Variants in ENOX1 observed in about 807,000 individuals in gnomAD.
ENOX1 encodes candidate growth-related and time keeping constitutive hydroquinone (NADH) oxidase.
Under a neutral mutation model 82.5 loss-of-function variants are expected in ENOX1, and 42 were observed. The ratio of observed to expected loss-of-function variants is 0.51; its 90% confidence interval spans 0.40 to 0.66. The LOEUF is 0.66. Among genes scored for constraint, ENOX1 ranks in the 30% least tolerant of loss-of-function variants. The probability of loss-of-function intolerance (pLI) is 0.00; values close to 1 mark genes in which losing one functional copy is unlikely to be tolerated. For missense variants in ENOX1, 608 were observed against 811.6 expected (o/e 0.75, Z 3.05); for synonymous variants, 271 against 282.2 (o/e 0.96, Z 0.40).
chr13:43,498,851 G>A (rs1451702396), intron 2 of ENOX1, among the ~76,000 whole-genome samples: 1 of 152,050 alleles, frequency 6.6e-6, no homozygotes, highest in African/African-American at 2.4e-5. Context: ...TCCATCAGGA[G>A]ATGGAACTTA....
intron 1 of ENOX1, among the ~76,000 whole-genome samples, chr13:43,696,755 T>C (rs2086659279): frequency 6.6e-6 from 1 of 150,902 alleles, no homozygotes; most frequent in Non-Finnish European, 1.5e-5. Flanking sequence ...ATTCAAGACG[T>C]ACGTAAATAA....
At chr13:43,725,583 A>G (rs1452157528) in intron 1 of ENOX1, among the ~76,000 whole-genome samples, 1 of 152,142 alleles carries the variant, frequency 6.6e-6, no homozygotes, top group Non-Finnish European at 1.5e-5. Context: ...AACTGCCACA[A>G]GTATGAAATT....
chr13:43,664,563 A>G (rs2084887555), intron 2 of ENOX1, among the ~76,000 whole-genome samples: 1 of 152,222 alleles, frequency 6.6e-6, no homozygotes, highest in Admixed American at 6.5e-5. Flanking sequence ...CTGGCCCACC[A>G]TCACTCTGTT....
chr13:43,577,738 C>G (rs2080509528), intron 2 of ENOX1, among the ~76,000 whole-genome samples: 1 of 152,162 alleles, frequency 6.6e-6, no homozygotes, highest in East Asian at 1.9e-4. Context: ...TCCTCCAGAC[C>G]ACAGCATTAA....
chr13:43,228,537 T>C (rs958576883), intron 15 of ENOX1, among the ~76,000 whole-genome samples: 4 of 152,212 alleles, frequency 2.6e-5, no homozygotes, highest in African/African-American at 9.6e-5. Context: ...CCAAACCTCG[T>C]TAGGAAGGTC....
At position 43,414,079 on chromosome 13, in the gene ENOX1, C is replaced by T. The variant is rs1487041579; in HGVS notation, c.-74-1091G>A. On this transcript the variant is annotated intron_variant, in intron 3 of 16. Transcript: ENST00000690772. ...TTGACAGTGTATCTAATGTGAAGTT[C>T]GAACCTTTTATGGCATGTCTTTTTG... 2.6e-5 allele frequency among the ~76,000 whole-genome samples: 4 copies of T among 152,022 alleles called. No homozygotes were observed. In the East Asian group the frequency reaches 5.8e-4, roughly 22 times the overall value.
At chr13:43,607,531 A>C (rs1336704858) in intron 2 of ENOX1, among the ~76,000 whole-genome samples, 3 of 152,090 alleles carry the variant, frequency 2.0e-5, no homozygotes, top group Non-Finnish European at 4.4e-5. Flanking sequence ...CATATAGAAA[A>C]CCCTGGCTTG....
rs148835429 is a variant in ENOX1, at chr13:43,408,759, A to G, written c.208+3157T>C. Among the ~76,000 whole-genome samples the G allele has an allele frequency of 1.8e-3, 278 of 152,348 alleles. 2 individuals are homozygous for G. The highest frequency in any genetic ancestry group is 6.5e-3 in the African/African-American group (269 of 41,584). Reference sequence around the variant, plus strand: ...AATAGATAAATCAGTAGTAAAGAATAGATATTTCAGAAATAGACAAAAATA... The same window carrying G: ...AATAGATAAATCAGTAGTAAAGAATGGATATTTCAGAAATAGACAAAAATA... On this transcript the variant is annotated intron_variant, in intron 5 of 16. Transcript: ENST00000690772.
intron 11 of ENOX1, among the ~76,000 whole-genome samples, chr13:43,309,450 C>A (rs1298096810): frequency 6.6e-6 from 1 of 152,146 alleles, no homozygotes; most frequent in Non-Finnish European, 1.5e-5. Flanking sequence ...GCCTCTCTTC[C>A]AAAGAGAGTA....
Position 43,772,278 on chromosome 13 carries a change from A to G in ENOX1, c.-285+14374T>C, listed in dbSNP as rs56026806. ...AAAGTCACGGTACTCAAAGAAGATA[A>G]TCTAAAATAAACACCAAGTATCAAA... is the stretch of plus-strand genomic sequence containing the variant. On this transcript the variant is annotated intron_variant, in intron 1 of 16. Coordinates refer to ENST00000690772, the MANE Select transcript of ENOX1 (RefSeq NM_001347969.2). Among the ~76,000 whole-genome samples the G allele has an allele frequency of 6.9e-3, 1,049 of 152,290 alleles. 14 individuals carry two copies. Among genetic ancestry groups the G allele is most frequent in the African/African-American group, 0.024 (1,016 of 41,558 alleles).
At chr13:43,719,548 A>C (rs2153817423) in intron 1 of ENOX1, among the ~76,000 whole-genome samples, 1 of 152,250 alleles carries the variant, frequency 6.6e-6, no homozygotes, top group Non-Finnish European at 1.5e-5. Flanking sequence ...CACACGCGAA[A>C]TTCTAGAAAC....
chr13:43,434,937 GTTTTTTTTTTTTTTT>G (rs537775258), intron 3 of ENOX1, among the ~76,000 whole-genome samples: 1 of 75,906 alleles, frequency 1.3e-5, no homozygotes, highest in East Asian at 5.2e-4. Flanking sequence ...TGTGTGTGTG[GTTTTTTTTTTTTTTT>G]TTTTTTTTTT....
chr13:43,500,333 G>C (rs2076936612), intron 2 of ENOX1, among the ~76,000 whole-genome samples: 1 of 152,180 alleles, frequency 6.6e-6, no homozygotes, highest in Middle Eastern at 3.4e-3. Flanking sequence ...TTGAAAGCAA[G>C]AGAAAAAGGA....
chr13:43,754,574 T>C (rs2153832700), intron 1 of ENOX1, among the ~76,000 whole-genome samples: 1 of 149,396 alleles, frequency 6.7e-6, no homozygotes, highest in South Asian at 2.1e-4. Flanking sequence ...CTTGTATCTT[T>C]TAATTTTAGC....
intron 5 of ENOX1, among the ~76,000 whole-genome samples, chr13:43,388,627 TG>T (rs36025139): frequency 6.6e-6 from 1 of 152,104 alleles, no homozygotes; most frequent in Admixed American, 6.5e-5. Context: ...GAGCAAATAA[TG>T]GGAACAAATT....
chr13:43,360,868 T>C (rs1016232339), intron 6 of ENOX1, among the ~76,000 whole-genome samples: 4 of 152,180 alleles, frequency 2.6e-5, no homozygotes, highest in Non-Finnish European at 4.4e-5. Context: ...GGCTTCCCTC[T>C]CCCCAGCCCC....
chr13:43,468,809 G>A (rs559995865), intron 3 of ENOX1, among the ~76,000 whole-genome samples: 9 of 152,162 alleles, frequency 5.9e-5, no homozygotes, highest in Admixed American at 6.5e-5. Context: ...AGTTTTCAGC[G>A]TGCATGTCTT....
At chr13:43,563,376 G>A (rs2079771899) in intron 2 of ENOX1, among the ~76,000 whole-genome samples, 1 of 152,038 alleles carries the variant, frequency 6.6e-6, no homozygotes, top group African/African-American at 2.4e-5. Context: ...AAACCTATGG[G>A]TTACAGAGAA....
At chr13:43,754,328 T>C (rs536143087) in intron 1 of ENOX1, among the ~76,000 whole-genome samples, 88 of 125,386 alleles carry the variant, frequency 7.0e-4, no homozygotes, top group African/African-American at 1.9e-3. Context: ...TGTGTGTATA[T>C]ATATATATAT....
Sources: gnomAD v4.1 joint callset for allele counts (sites outside exome capture counted in the v4.1 genomes callset) on GRCh38, gnomAD v4.1.1 for gene constraint, MANE v1.5 for transcripts, NCBI Gene and HGNC (gene_info 2026-07-23, HGNC 2026-07-21) for gene names.